Variants in DPY19L1 observed in about 807,000 individuals in gnomAD.
The protein encoded by DPY19L1 is protein C-mannosyl-transferase DPY19L1.
DPY19L1 carries 35 observed loss-of-function variants against 96.9 expected under a neutral mutation model. That is an observed-to-expected ratio of 0.36 (90% CI 0.28 to 0.48). DPY19L1 has a LOEUF of 0.48. Among genes scored for constraint, DPY19L1 ranks in the 20% least tolerant of loss-of-function variants. The probability of loss-of-function intolerance (pLI) is 0.99; values close to 1 mark genes in which losing one functional copy is unlikely to be tolerated. For missense variants in DPY19L1, 521 were observed against 777.9 expected (o/e 0.67, Z 3.93); for synonymous variants, 205 against 252.6 (o/e 0.81, Z 1.79).
chr7:35,034,988 T>C (rs1786353372), intron 1 of DPY19L1, among the ~76,000 whole-genome samples: 1 of 152,220 alleles, frequency 6.6e-6, no homozygotes, highest in Admixed American at 6.5e-5. Context: ...ACTCTGCTCC[T>C]CTCTGCAGGA....
rs538561525 is a variant in DPY19L1, at chr7:34,930,011, C to G, written c.*1562G>C. On this transcript the variant is annotated 3_prime_UTR_variant, in exon 22 of 22. Coordinates refer to ENST00000638088, the MANE Select transcript of DPY19L1 (RefSeq NM_001366673.1). ...AGCCTTTGCAGCTGACTTATGTCAGCAAGCTGCTGCTTCCCCGGGACCAGG... is the reference window on the plus strand; with the variant it reads ...AGCCTTTGCAGCTGACTTATGTCAGGAAGCTGCTGCTTCCCCGGGACCAGG... 6.6e-6 allele frequency: 1 copy of G among 152,272 alleles called. No homozygotes were observed. Among genetic ancestry groups the G allele is most frequent in the South Asian group, 2.1e-4 (1 of 4,828 alleles). 9.4% of individuals were successfully genotyped at this position (152,272 alleles called of 1,614,324 possible). A position where few individuals can be genotyped will look rare whatever the true frequency, so the allele number is the denominator to read the frequency against.
intron 6 of DPY19L1, among the ~76,000 whole-genome samples, chr7:34,994,848 G>A (rs1170559558): frequency 6.6e-6 from 1 of 151,926 alleles, no homozygotes; most frequent in African/African-American, 2.4e-5. Context: ...CTCAGGATGA[G>A]GTTTGCCTAA....
intron 10 of DPY19L1, 58 bp from the exon 11 acceptor site, chr7:34,958,128 T>C: frequency 1.6e-6 from 2 of 1,264,118 alleles, no homozygotes. Flanking sequence ...AACCTTTGTT[T>C]TTTATTGTGA....
chr7:34,963,697 CGTGTGT>C (rs145986243), intron 10 of DPY19L1, among the ~76,000 whole-genome samples: 3 of 150,280 alleles, frequency 2.0e-5, no homozygotes, highest in African/African-American at 4.9e-5. Context: ...TAAGCAGAAT[CGTGTGT>C]GTGTGTGCGT....
chr7:34,979,281 C>CT (rs758292368), intron 7 of DPY19L1, among the ~76,000 whole-genome samples: 12 of 152,060 alleles, frequency 7.9e-5, no homozygotes, highest in South Asian at 2.1e-4. Context: ...ACTCTACCAC[C>CT]TTTATCATGT....
chr7:34,938,747 TA>T (rs991863551), intron 20 of DPY19L1, among the ~76,000 whole-genome samples: 2 of 151,724 alleles, frequency 1.3e-5, no homozygotes, highest in African/African-American at 4.8e-5. Context: ...ATTAAATTTT[TA>T]AAAAAAAATT....
intron 6 of DPY19L1, among the ~76,000 whole-genome samples, chr7:34,998,685 C>G (rs1175193988): frequency 6.6e-6 from 1 of 152,196 alleles, no homozygotes; most frequent in Non-Finnish European, 1.5e-5. Context: ...GCAGTTTACA[C>G]CCTCATCATG....
chr7:34,939,492 C>G, intron 19 of DPY19L1, 117 bp from the exon 20 acceptor site: 6 of 744,602 alleles, frequency 8.1e-6, no homozygotes, highest in Non-Finnish European at 1.1e-5. Flanking sequence ...AGGTTCATGA[C>G]TTCAAGATTC....
At chr7:34,956,926 G>A (rs534087277) in intron 11 of DPY19L1, among the ~76,000 whole-genome samples, 17 of 152,138 alleles carry the variant, frequency 1.1e-4, no homozygotes, top group Non-Finnish European at 2.5e-4. Context: ...TCAAGAAGTC[G>A]AATATATTCC....
chr7:35,006,009 T>G (rs1210005041), intron 6 of DPY19L1, among the ~76,000 whole-genome samples: 1 of 152,156 alleles, frequency 6.6e-6, no homozygotes, highest in Non-Finnish European at 1.5e-5. Context: ...TCGATGATTC[T>G]CTGATTCCAC....
chr7:35,000,027 T>C (rs1032886760), intron 6 of DPY19L1, among the ~76,000 whole-genome samples: 3 of 152,146 alleles, frequency 2.0e-5, no homozygotes. Context: ...TTATAAAAAG[T>C]TGAATAATGC....
At chr7:34,942,411 C>T (rs1269669607) in intron 17 of DPY19L1, among the ~76,000 whole-genome samples, 1 of 152,194 alleles carries the variant, frequency 6.6e-6, no homozygotes, top group African/African-American at 2.4e-5. Flanking sequence ...ATGATCAGAG[C>T]AGAACATATG....
intron 1 of DPY19L1, among the ~76,000 whole-genome samples, chr7:35,025,655 T>A (rs1786102977): frequency 6.6e-6 from 1 of 152,132 alleles, no homozygotes; most frequent in Non-Finnish European, 1.5e-5. Flanking sequence ...TGATATAGAA[T>A]ATGAATGATA....
chr7:35,013,531 C>T (rs758664543), intron 4 of DPY19L1, 37 bp downstream of exon 4: 2 of 1,591,034 alleles, frequency 1.3e-6, no homozygotes, highest in South Asian at 2.3e-5. Context: ...AAAGTTTTTA[C>T]AAAAGTGAAA....
At chr7:34,970,184 G>C (rs1378816481) in intron 8 of DPY19L1, among the ~76,000 whole-genome samples, 1 of 152,178 alleles carries the variant, frequency 6.6e-6, no homozygotes, top group Non-Finnish European at 1.5e-5. Flanking sequence ...CTTCACAGAA[G>C]TGGAGTGTGC....
chr7:34,949,711 TAA>T lies in DPY19L1; in HGVS notation c.1422+84_1422+85del, dbSNP rs1340887995. ...TCCTTCAAACTGAGATAACAGCACATAAAGAGTCTGATATAAGAGGAGCACTC... is the reference window on the plus strand; with the variant it reads ...TCCTTCAAACTGAGATAACAGCACATAGAGTCTGATATAAGAGGAGCACTC... On this transcript the variant is annotated intron_variant, in intron 14 of 21. Transcript: ENST00000638088. 108 of 823,676 alleles carry T rather than the reference TAA, an allele frequency of 1.3e-4. 2 individuals are homozygous for T. In the South Asian group the frequency reaches 1.7e-3, roughly 13 times the overall value. 51.0% of individuals were successfully genotyped at this position (823,676 alleles called of 1,614,324 possible). A position where few individuals can be genotyped will look rare whatever the true frequency, so the allele number is the denominator to read the frequency against.
chr7:34,960,363 GTA>G (rs1317296050), intron 10 of DPY19L1, among the ~76,000 whole-genome samples: 7 of 151,870 alleles, frequency 4.6e-5, no homozygotes, highest in East Asian at 3.9e-4. Context: ...AGTTTTCTTT[GTA>G]TAGATTCCTG....
At chr7:34,941,956 C>A (rs1367713359) in intron 17 of DPY19L1, 72 bp from the exon 18 acceptor site, 50 of 1,475,950 alleles carry the variant, frequency 3.4e-5, no homozygotes, top group Non-Finnish European at 4.3e-5. Context: ...TGGCAATATG[C>A]AGAAAGGGGT....
chr7:34,943,398 A>C (rs911679557), intron 16 of DPY19L1, among the ~76,000 whole-genome samples: 1 of 152,172 alleles, frequency 6.6e-6, no homozygotes, highest in African/African-American at 2.4e-5. Context: ...TTATTACCCC[A>C]ATTTACAGCC....
Sources: gnomAD v4.1 joint callset for allele counts (sites outside exome capture counted in the v4.1 genomes callset) on GRCh38, gnomAD v4.1.1 for gene constraint, MANE v1.5 for transcripts, NCBI Gene and HGNC (gene_info 2026-07-23, HGNC 2026-07-21) for gene names.